TARBP1: variants seen among roughly 807,000 people sequenced by gnomAD.
TARBP1 encodes tRNA guanosine 2 -O-methyltransferase TARBP1.
A neutral mutation model predicts 178.6 loss-of-function variants in TARBP1; 144 were observed. The observed-to-expected ratio is 0.81, with a 90% confidence interval of 0.70 to 0.93. The LOEUF is 0.93. Among genes scored for constraint, TARBP1 ranks in the 40% least tolerant of loss-of-function variants. The pLI, the probability that TARBP1 is intolerant of heterozygous loss-of-function variation, is 0.00. For missense variants in TARBP1, 2,067 were observed against 2,011.7 expected, an observed-to-expected ratio of 1.03 and a Z score of -0.53; for synonymous variants, 787 against 781.0, an observed-to-expected ratio of 1.01 and a Z score of -0.13.
chr1:234,462,278 C>T (rs183337917), intron 6 of TARBP1, among the ~76,000 whole-genome samples: 35 of 152,290 alleles, frequency 2.3e-4, no homozygotes, highest in Middle Eastern at 3.4e-3. Context: ...AAGCCCTGAC[C>T]GACATCACTT....
At chr1:234,445,206 T>C (rs1385454234) in intron 12 of TARBP1, among the ~76,000 whole-genome samples, 2 of 152,134 alleles carry the variant, frequency 1.3e-5, no homozygotes, top group Non-Finnish European at 2.9e-5. Context: ...GCTGGCTTCC[T>C]GGTTTTCCTC....
chr1:234,410,681 G>A (rs773933962), intron 22 of TARBP1, 150 bp from the exon 23 acceptor site: 73 of 563,682 alleles, frequency 1.3e-4, no homozygotes, highest in Non-Finnish European at 2.2e-4. Context: ...AGGGGGCTGC[G>A]GCAACAGGCA....
chr1:234,410,289 T>G lies in TARBP1; in HGVS notation c.3792+156A>C. ...AAATGGGTAATTCCCATTTACTGGG[T>G]ATTTGTGTCTAATACATGTGCACAT... On this transcript the variant is annotated intron_variant, in intron 23 of 29. Transcript: ENST00000040877. The G allele has an allele frequency of 7.8e-6, 4 of 514,180 alleles. No homozygotes were observed. The South Asian group carries it at 9.7e-5, about 12-fold the overall frequency. 31.9% of individuals were successfully genotyped at this position (514,180 alleles called of 1,614,324 possible).
In TARBP1 at chr1:234,410,468, T is replaced by G. The variant is rs775705142; in HGVS notation, c.3769A>C (p.Ile1257Leu). The change falls in exon 23 of 30, where the codon ATT (isoleucine) becomes CTT (leucine). Residue 1257 changes from isoleucine (I) to leucine (L), a missense_variant. Transcript: ENST00000040877. ...FLAVLSHLDI[I>L]TQNIPEKKLI... ...ACCTTTTCTGGAATATTTTGAGTAA[T>G]AATGTCTAAATGTGATAAAACTGCT... 2.8e-5 allele frequency: 42 copies of G among 1,504,026 alleles called. No homozygotes were observed. The highest frequency in any genetic ancestry group is 3.7e-5 in the Non-Finnish European group (41 of 1,097,614). The allele number at this position is 1,504,026 out of a possible 1,614,324, so 93.2% of individuals were successfully genotyped here.
chr1:234,450,527 G>C lies in TARBP1; in HGVS notation c.1762C>G (p.Pro588Ala). Residue 588 changes from proline (P) to alanine (A), a missense_variant, in exon 10 of 30, where the codon CCA (proline) becomes GCA (alanine). Pro to Ala is a conservative substitution (Grantham distance 27). Coordinates refer to ENST00000040877, the MANE Select transcript of TARBP1 (RefSeq NM_005646.4). ...CCAATGGAGCTACACGTAGGGGATG[G>C]CTTAAAATAGCTTTCATTAACACGT... Reference protein sequence around the residue: ...WLRVNESYFKPSPTCSSIGLH... With the variant: ...WLRVNESYFKASPTCSSIGLH... The C allele has an allele frequency of 6.2e-7, 1 of 1,610,612 alleles. No individual in the cohort carries two copies. Among genetic ancestry groups the C allele is most frequent in the Non-Finnish European group, 8.5e-7 (1 of 1,178,830 alleles).
chr1:234,476,908 G>C (rs772061255), intron 1 of TARBP1, among the ~76,000 whole-genome samples: 1 of 152,254 alleles, frequency 6.6e-6, no homozygotes, highest in African/African-American at 2.4e-5. Flanking sequence ...ATAACTGGCC[G>C]AGCGCGGTGG....
At chr1:234,471,648 G>A (rs961209886) in intron 2 of TARBP1, among the ~76,000 whole-genome samples, 1 of 152,134 alleles carries the variant, frequency 6.6e-6, no homozygotes. Context: ...CGGCCAGTTC[G>A]GAGTTCCATG....
At chr1:234,460,808 G>C (rs567583379) in intron 6 of TARBP1, among the ~76,000 whole-genome samples, 1 of 152,158 alleles carries the variant, frequency 6.6e-6, no homozygotes, top group South Asian at 2.1e-4. Flanking sequence ...ACCAATGAAT[G>C]AATGAACAAA....
intron 26 of TARBP1, among the ~76,000 whole-genome samples, 193 bp from the exon 27 acceptor site, chr1:234,394,030 T>C (rs1659673827): frequency 6.6e-6 from 1 of 152,228 alleles, no homozygotes; most frequent in Admixed American, 6.5e-5. Context: ...GTAGTAACTT[T>C]AAGTTTTCAA....
rs1301084878 is a variant in TARBP1, at chr1:234,478,363, G to A, written c.741C>T (p.Asp247=). Residue 247 remains aspartate, a synonymous_variant, in exon 1 of 30, where the codon GAC becomes GAT. Coordinates refer to ENST00000040877, the MANE Select transcript of TARBP1 (RefSeq NM_005646.4). The part of the protein sequence containing the change: ...AEKLLPEPGG[D]RARGAREAGP... Reference sequence around the variant, plus strand: ...CCGCCTCGCGCGCGCCGCGGGCGCGGTCGCCGCCGGGCTCGGGCAACAGCT... The same window carrying A: ...CCGCCTCGCGCGCGCCGCGGGCGCGATCGCCGCCGGGCTCGGGCAACAGCT... 3 of 1,270,980 alleles carry A rather than the reference G, an allele frequency of 2.4e-6. No homozygotes were observed. Among genetic ancestry groups the A allele is most frequent in the South Asian group, 5.3e-5 (2 of 37,522 alleles). The allele number at this position is 1,270,980 out of a possible 1,614,324, so 78.7% of individuals were successfully genotyped here.
rs535090003 is a variant in TARBP1 at position 234,429,846 on chromosome 1, C to T, written c.2610-169G>A. On this transcript the variant is annotated intron_variant, in intron 15 of 29. Transcript: ENST00000040877. ...CAAAAACTAAGGAAACCACATAAAC[C>T]TTAATTTTCTAACTTCTCTGAAAGT... Among the ~76,000 whole-genome samples, 48 of 152,022 alleles carry T rather than the reference C, an allele frequency of 3.2e-4. 1 individual carries two copies. Among genetic ancestry groups the T allele is most frequent in the African/African-American group, 1.1e-3 (46 of 41,476 alleles).
intron 6 of TARBP1, among the ~76,000 whole-genome samples, chr1:234,461,677 G>A (rs1036329649): frequency 6.6e-6 from 1 of 152,200 alleles, no homozygotes; most frequent in Non-Finnish European, 1.5e-5. Context: ...AACAGGATAG[G>A]AAGTATTGAT....
intron 21 of TARBP1, among the ~76,000 whole-genome samples, chr1:234,420,458 G>C: frequency 6.6e-6 from 1 of 152,132 alleles, no homozygotes; most frequent in Middle Eastern, 3.4e-3. Flanking sequence ...TTAAAACACC[G>C]AAGGGAAAAA....
intron 12 of TARBP1, among the ~76,000 whole-genome samples, chr1:234,444,771 T>C (rs936734875): frequency 3.9e-5 from 6 of 152,050 alleles, no homozygotes; most frequent in African/African-American, 1.4e-4. Context: ...CCTACCTCTC[T>C]CTATCAGTGC....
chr1:234,460,284 AC>A lies in TARBP1; in HGVS notation c.1511del (p.Gly504ValfsTer2). 1.2e-6 allele frequency: 2 copies of A among 1,614,162 alleles called. No homozygotes were observed. The highest frequency in any genetic ancestry group is 1.7e-6 in the Non-Finnish European group (2 of 1,180,018). ...LANVPRHKAL[G>X]IDGLLALRDV... ...ACCTGAGAGCAAGAAGCCCATCTAT[AC>A]CCAGGGCCTTATGTCTTGGGACATT... On this transcript the variant is annotated frameshift_variant, in exon 7 of 30. Transcript: ENST00000040877. LOFTEE classifies it high-confidence loss of function.
At chr1:234,395,038 A>C (rs1201733954) in intron 26 of TARBP1, among the ~76,000 whole-genome samples, 1 of 151,920 alleles carries the variant, frequency 6.6e-6, no homozygotes, top group Non-Finnish European at 1.5e-5. Flanking sequence ...GGCCTGGCCA[A>C]CATAGCGAAA....
At chr1:234,413,427 T>C (rs1224785370) in intron 22 of TARBP1, among the ~76,000 whole-genome samples, 1 of 152,206 alleles carries the variant, frequency 6.6e-6, no homozygotes, top group Non-Finnish European at 1.5e-5. Context: ...TGAGCCGAGA[T>C]TGTGCCATTG....
At chr1:234,435,321 A>T (rs1373563537) in intron 13 of TARBP1, among the ~76,000 whole-genome samples, 5 of 151,976 alleles carry the variant, frequency 3.3e-5, no homozygotes, top group Non-Finnish European at 7.4e-5. Flanking sequence ...TACTAAAAAT[A>T]CAAAAATACA....
intron 12 of TARBP1, among the ~76,000 whole-genome samples, chr1:234,442,493 G>T (rs987147709): frequency 1.3e-5 from 2 of 152,094 alleles, no homozygotes; most frequent in Admixed American, 1.3e-4. Flanking sequence ...AGCCTCTGGA[G>T]TATCTCATGA....
Sources: allele counts gnomAD v4.1 joint callset (sites outside exome capture counted in the v4.1 genomes callset), GRCh38; gene constraint gnomAD v4.1.1; transcripts MANE v1.5; gene names NCBI Gene and HGNC (gene_info 2026-07-23, HGNC 2026-07-21).